Variants in TENM2 observed in about 807,000 individuals in gnomAD.
TENM2 encodes the protein teneurin-2.
Under a neutral mutation model 245.2 loss-of-function variants are expected in TENM2, and 52 were observed. That is an observed-to-expected ratio of 0.21 (90% CI 0.17 to 0.27). The LOEUF (loss-of-function observed/expected upper bound fraction) is 0.27, where lower values mean the gene tolerates loss of function less well. TENM2 is among the 10% of genes least tolerant of loss of function. The probability of loss-of-function intolerance (pLI) is 1.00; values close to 1 mark genes in which losing one functional copy is unlikely to be tolerated. For missense variants in TENM2, 3,046 were observed against 3,666.8 expected (o/e 0.83, Z 4.37); for synonymous variants, 1,363 against 1,438.9 (o/e 0.95, Z 1.19).
intron 9 of TENM2, among the ~76,000 whole-genome samples, chr5:168,117,280 T>C (rs1795150418): frequency 6.6e-6 from 1 of 152,208 alleles, no homozygotes; most frequent in Non-Finnish European, 1.5e-5. Flanking sequence ...CCTTTTCTTT[T>C]TTTTCTAATA....
chr5:167,490,750 TAA>T (rs1236547259), intron 2 of TENM2, among the ~76,000 whole-genome samples: 2 of 152,306 alleles, frequency 1.3e-5, no homozygotes, highest in African/African-American at 4.8e-5. Flanking sequence ...CAAGATTAAT[TAA>T]ATTCAAGTTA....
chr5:167,101,135 G>A, the TENM2 span, among the ~76,000 whole-genome samples: 1 of 152,158 alleles, frequency 6.6e-6, no homozygotes, highest in East Asian at 1.9e-4. Flanking sequence ...CTTTACAGTT[G>A]ATGAATTTGA....
At chr5:167,542,406 C>T (rs1415003648) in intron 2 of TENM2, among the ~76,000 whole-genome samples, 2 of 152,080 alleles carry the variant, frequency 1.3e-5, no homozygotes, top group African/African-American at 4.8e-5. Flanking sequence ...TGTATCTGTA[C>T]ATCATGTGAA....
At chr5:167,383,744 A>C (rs1039312924) in intron 2 of TENM2, among the ~76,000 whole-genome samples, 6 of 152,112 alleles carry the variant, frequency 3.9e-5, no homozygotes, top group South Asian at 4.2e-4. Context: ...AAAAAAAAAA[A>C]AAAAAACTTC....
intron 3 of TENM2, among the ~76,000 whole-genome samples, chr5:167,893,825 A>G (rs543459858): frequency 6.6e-6 from 1 of 152,278 alleles, no homozygotes; most frequent in South Asian, 2.1e-4. Context: ...TTGGTGTGTC[A>G]GCCTTGATTT....
the TENM2 span, among the ~76,000 whole-genome samples, chr5:167,125,200 T>C: frequency 6.6e-6 from 1 of 152,216 alleles, no homozygotes; most frequent in Non-Finnish European, 1.5e-5. Context: ...GAGGAATGTG[T>C]TACAGTGAGA....
At chr5:168,166,499 T>C (rs147335392) in intron 13 of TENM2, among the ~76,000 whole-genome samples, 48 of 152,330 alleles carry the variant, frequency 3.2e-4, no homozygotes, top group African/African-American at 1.1e-3. Context: ...CCTAATACTT[T>C]ATGGCCACTA....
chr5:167,997,455 C>A lies in TENM2; in HGVS notation c.1186+4273C>A, dbSNP rs570522215. The stretch of plus-strand genomic sequence containing the variant: ...GCCCCTCCGCAGTATTATAATCAGT[C>A]CTCATATTTCTGCTTTCCAGTTGTC... On this transcript the variant is annotated intron_variant, in intron 5 of 28. Transcript: ENST00000518659. 1.4e-4 allele frequency among the ~76,000 whole-genome samples: 22 copies of A among 152,260 alleles called. No individual in the cohort carries two copies. The South Asian group carries it at 4.6e-3, about 32-fold the overall frequency.
In TENM2 at chr5:168,061,968, C is replaced by CA. The variant is rs372103472; in HGVS notation, c.1310-83dup. ...TTTAATCTTAATATTAAAACAACAACAAAAAAAAACCTGGCATGTAATTAA... is the reference window on the plus strand; with the variant it reads ...TTTAATCTTAATATTAAAACAACAACAAAAAAAAAACCTGGCATGTAATTAA... On this transcript the variant is annotated intron_variant, in intron 6 of 28. Transcript: ENST00000518659. The CA allele has an allele frequency of 2.1e-3, 2,424 of 1,130,168 alleles. 11 individuals carry two copies. The highest frequency in any genetic ancestry group is 0.017 in the East Asian group (637 of 37,546). The allele number at this position is 1,130,168 out of a possible 1,614,324, so 70.0% of individuals were successfully genotyped here.
the TENM2 span, among the ~76,000 whole-genome samples, chr5:167,095,987 G>T: frequency 6.6e-6 from 1 of 151,994 alleles, no homozygotes; most frequent in African/African-American, 2.4e-5. Context: ...GACCAGGCTG[G>T]TCTTGAACTT....
chr5:167,931,869 C>T (rs1403535627), intron 3 of TENM2, among the ~76,000 whole-genome samples: 1 of 152,194 alleles, frequency 6.6e-6, no homozygotes, highest in Non-Finnish European at 1.5e-5. Flanking sequence ...TCTGCCGTTG[C>T]AGAGATGAAA....
At position 167,485,052 on chromosome 5, in the gene TENM2, G is replaced by A. The variant is rs76242236; in HGVS notation, c.502+109579G>A. Among the ~76,000 whole-genome samples, 76 of 152,272 alleles carry A rather than the reference G, an allele frequency of 5.0e-4. No homozygotes were observed. In the East Asian group the frequency reaches 7.5e-3, roughly 15 times the overall value. ...CCCAGAATTCATAATTTTACTTTAG[G>A]CAGCTTAGGTCTCTTAAAATATCTC... On this transcript the variant is annotated intron_variant, in intron 2 of 28. Coordinates refer to ENST00000518659, the Ensembl canonical transcript of TENM2.
chr5:167,701,894 T>C (rs1480302767), intron 2 of TENM2, among the ~76,000 whole-genome samples: 1 of 152,244 alleles, frequency 6.6e-6, no homozygotes, highest in African/African-American at 2.4e-5. Context: ...AAACTGGAAC[T>C]ATACTAAAAG....
chr5:166,986,313 C>T, the TENM2 span, among the ~76,000 whole-genome samples: 6 of 152,144 alleles, frequency 3.9e-5, no homozygotes, highest in Non-Finnish European at 7.4e-5. Context: ...TTCCTCATCA[C>T]AACCAAAAAT....
At chr5:167,534,122 A>C (rs1771696342) in intron 2 of TENM2, among the ~76,000 whole-genome samples, 1 of 152,222 alleles carries the variant, frequency 6.6e-6, no homozygotes, top group Non-Finnish European at 1.5e-5. Context: ...GTGGTGTCCA[A>C]ATGTGTTGAT....
intron 2 of TENM2, among the ~76,000 whole-genome samples, chr5:167,463,747 C>T (rs560124864): frequency 9.2e-5 from 14 of 152,226 alleles, no homozygotes; most frequent in Admixed American, 5.2e-4. Context: ...CTGCCTGCTT[C>T]GGCCCCCCAG....
intron 1 of TENM2, among the ~76,000 whole-genome samples, chr5:167,289,171 T>C (rs768224217): frequency 6.6e-6 from 1 of 152,220 alleles, no homozygotes; most frequent in Non-Finnish European, 1.5e-5. Context: ...TGTACTGGGC[T>C]GTCAGCACTG....
At chr5:168,084,943 C>A (rs1792316739) in intron 7 of TENM2, among the ~76,000 whole-genome samples, 1 of 152,192 alleles carries the variant, frequency 6.6e-6, no homozygotes, top group African/African-American at 2.4e-5. Context: ...GGGGCCTTAA[C>A]AAACCAGGCC....
chr5:167,304,541 A>AAGGCATTG (rs1755551178), intron 1 of TENM2, among the ~76,000 whole-genome samples: 1 of 152,228 alleles, frequency 6.6e-6, no homozygotes, highest in African/African-American at 2.4e-5. Context: ...ATTTAAAAAG[A>AAGGCATTG]AGGCATTGAG....
Sources: allele counts gnomAD v4.1 joint callset (sites outside exome capture counted in the v4.1 genomes callset), GRCh38; gene constraint gnomAD v4.1.1; transcripts MANE v1.5; gene names NCBI Gene and HGNC (gene_info 2026-07-23, HGNC 2026-07-21).